The following S100A13 variants were observed in gnomAD, a reference collection of about 807,000 sequenced individuals.
The protein encoded by S100A13 is S100 calcium binding protein A13, also known as protein S100-A13.
Under a neutral mutation model 8.2 loss-of-function variants are expected in S100A13, and 6 were observed. The ratio of observed to expected loss-of-function variants is 0.73; its 90% confidence interval spans 0.40 to 1.44. The LOEUF (loss-of-function observed/expected upper bound fraction) is 1.44. Among genes scored for constraint, S100A13 ranks in the 40% most tolerant of loss-of-function variants. The pLI, the probability that S100A13 is intolerant of heterozygous loss-of-function variation, is 0.02. For missense variants in S100A13, 114 were observed against 113.6 expected (o/e 1.00, Z -0.02); for synonymous variants, 39 against 45.9 (o/e 0.85, Z 0.61).
chr1:153,618,811 G>A lies in S100A13; in HGVS notation c.*84C>T. On this transcript the variant is annotated 3_prime_UTR_variant, in exon 3 of 3. Transcript: ENST00000476133. ...TAAGTAAGAAACATTTGTGTTTCAA[G>A]GAGGAAGCTTTATTTGGGAAGAGTG... 7.6e-7 allele frequency: 1 copy of A among 1,312,018 alleles called. No individual in the cohort carries two copies. Among genetic ancestry groups the A allele is most frequent in the Non-Finnish European group, 1.1e-6 (1 of 944,254 alleles). The allele number at this position is 1,312,018 out of a possible 1,614,324, so 81.3% of individuals were successfully genotyped here.
At chr1:153,621,556 C>T (rs1429845768) in intron 2 of S100A13, among the ~76,000 whole-genome samples, 1 of 151,532 alleles carries the variant, frequency 6.6e-6, no homozygotes, top group East Asian at 2.0e-4. Flanking sequence ...GTGGATAACT[C>T]GAGGTCAGGC....
chr1:153,631,181 A>C (rs1043621307), upstream of S100A13: 8 of 412,248 alleles, frequency 1.9e-5, no homozygotes, highest in Admixed American at 1.2e-4. Context: ...ACTGGCATGA[A>C]GGATGTAGAA....
intron 2 of S100A13, among the ~76,000 whole-genome samples, chr1:153,622,323 A>G (rs1420108542): frequency 6.6e-6 from 1 of 152,222 alleles, no homozygotes; most frequent in Non-Finnish European, 1.5e-5. Flanking sequence ...GTGACCCGAG[A>G]TCATGCCACT....
upstream of S100A13, chr1:153,628,767 C>T (rs1435636849): frequency 2.0e-6 from 1 of 502,638 alleles, no homozygotes; most frequent in Non-Finnish European, 3.4e-6. Flanking sequence ...TCCTGACCGC[C>T]TGGCCCTCCC....
At chr1:153,627,989 A>G (rs1254084950), upstream of S100A13, 3 of 1,530,214 alleles carry the variant, frequency 2.0e-6, no homozygotes, top group African/African-American at 4.1e-5. Flanking sequence ...ACCCCCAGAG[A>G]AGAGTCCTGG....
chr1:153,633,360 C>T (rs565197209), upstream of S100A13, among the ~76,000 whole-genome samples: 1 of 152,178 alleles, frequency 6.6e-6, no homozygotes, highest in Admixed American at 6.5e-5. Flanking sequence ...AAAATAACAA[C>T]AACAAATCAG....
At chr1:153,624,051 G>A (rs1667447828) in intron 2 of S100A13, among the ~76,000 whole-genome samples, 1 of 152,226 alleles carries the variant, frequency 6.6e-6, no homozygotes, top group Non-Finnish European at 1.5e-5. Context: ...GCAAAAGTGA[G>A]AGGGTCGAGA....
intron 2 of S100A13, among the ~76,000 whole-genome samples, chr1:153,620,565 C>A (rs974044639): frequency 4.0e-5 from 6 of 151,554 alleles, no homozygotes; most frequent in South Asian, 2.1e-4. Context: ...CAACCTAGAA[C>A]CAAAAATATT....
At chr1:153,628,342 C>A (rs893250347), upstream of S100A13, 102 of 1,533,216 alleles carry the variant, frequency 6.7e-5, no homozygotes, top group Admixed American at 2.2e-4. Context: ...GCCCCTTGCC[C>A]CACAGGGTGT....
At chr1:153,620,175 T>G (rs1350966204) in intron 2 of S100A13, among the ~76,000 whole-genome samples, 1 of 152,028 alleles carries the variant, frequency 6.6e-6, no homozygotes, top group Non-Finnish European at 1.5e-5. Flanking sequence ...TAATCCCAGC[T>G]ACTCGGTAGG....
chr1:153,630,660 G>C, upstream of S100A13: 1 of 1,614,166 alleles, frequency 6.2e-7, no homozygotes, highest in South Asian at 1.1e-5. Context: ...TGGCTTCCTG[G>C]ATGTGAGCAT....
At chr1:153,627,424 G>C (rs1667731024) in intron 1 of S100A13, 59 bp downstream of exon 1, 2 of 152,264 alleles carry the variant, frequency 1.3e-5, no homozygotes, top group South Asian at 4.1e-4. Context: ...GAGGGACCTG[G>C]GAGCCCAGGA....
chr1:153,621,672 G>A (rs1667260174), intron 2 of S100A13, among the ~76,000 whole-genome samples: 1 of 146,956 alleles, frequency 6.8e-6, no homozygotes, highest in South Asian at 2.1e-4. Flanking sequence ...AATAAATCTT[G>A]CTGCTGCTCA....
At chr1:153,632,805 G>C (rs1474387017), upstream of S100A13, among the ~76,000 whole-genome samples, 1 of 152,128 alleles carries the variant, frequency 6.6e-6, no homozygotes, top group African/African-American at 2.4e-5. Flanking sequence ...GCAGAGGAAG[G>C]GTTGCAGATG....
chr1:153,620,382 G>A (rs1335903951), intron 2 of S100A13, among the ~76,000 whole-genome samples: 7 of 151,320 alleles, frequency 4.6e-5, no homozygotes. Context: ...AATCGCTTGA[G>A]TGTGGGAGGC....
At chr1:153,624,951 TG>T (rs1435526751) in intron 2 of S100A13, among the ~76,000 whole-genome samples, 1 of 152,170 alleles carries the variant, frequency 6.6e-6, no homozygotes, top group East Asian at 1.9e-4. Context: ...GGCGGTTGCC[TG>T]TAATCCCAGC....
chr1:153,631,539 G>A, upstream of S100A13: 3 of 1,613,884 alleles, frequency 1.9e-6, no homozygotes, highest in African/African-American at 2.7e-5. Flanking sequence ...GTAGGCAACA[G>A]AAGCCCTCAA....
chr1:153,624,492 G>A (rs1667472083), intron 2 of S100A13, among the ~76,000 whole-genome samples: 1 of 151,572 alleles, frequency 6.6e-6, no homozygotes, highest in African/African-American at 2.4e-5. Context: ...TAGAGATAAT[G>A]GAAAGCAGAG....
chr1:153,623,224 C>T (rs75260277), intron 2 of S100A13, among the ~76,000 whole-genome samples: 3,811 of 152,146 alleles, frequency 0.025, 140 homozygotes, highest in African/African-American at 0.087. Context: ...CTCGCTCTGT[C>T]GGTCACCCAG....
Sources: gnomAD v4.1 joint callset for allele counts (sites outside exome capture counted in the v4.1 genomes callset) on GRCh38, gnomAD v4.1.1 for gene constraint, MANE v1.5 for transcripts, NCBI Gene and HGNC (gene_info 2026-07-23, HGNC 2026-07-21) for gene names.